Variants in BEND7 observed in about 807,000 individuals in gnomAD.
The protein encoded by BEND7 is BEN domain containing 7, also known as BEN domain-containing protein 7.
Under a neutral mutation model 50.9 loss-of-function variants are expected in BEND7, and 28 were observed. That is an observed-to-expected ratio of 0.55 (90% confidence interval 0.41 to 0.75). BEND7 has a LOEUF of 0.75. Ranked by LOEUF, BEND7 falls within the 30% of genes least tolerant of loss-of-function variation. BEND7 has a pLI of 0.00. For synonymous variants in BEND7, 170 were observed against 183.9 expected, an observed-to-expected ratio of 0.92 and a Z score of 0.61; for missense variants, 477 against 491.3, an observed-to-expected ratio of 0.97 and a Z score of 0.28.
At chr10:13,480,315 G>T (rs1167377103) in intron 6 of BEND7, among the ~76,000 whole-genome samples, 1 of 152,190 alleles carries the variant, frequency 6.6e-6, no homozygotes, top group Non-Finnish European at 1.5e-5. Flanking sequence ...AAGGAGGGAA[G>T]GGGGAGAGAC....
Position 13,441,606 on chromosome 10 carries a change from A to C in BEND7, c.*137T>G, listed in dbSNP as rs1054765270. On this transcript the variant is annotated 3_prime_UTR_variant, in exon 9 of 9. Transcript: ENST00000466271. ...TTCTGCCTTGACCAGCAACATACTC[A>C]TCCTATTTTAACACGGCGAAAGGTC... The C allele has an allele frequency of 2.6e-6, 4 of 1,528,352 alleles. No individual in the cohort carries two copies. The highest frequency in any genetic ancestry group is 2.6e-6 in the Non-Finnish European group (3 of 1,138,766). 94.7% of individuals were successfully genotyped at this position (1,528,352 alleles called of 1,614,324 possible).
intron 6 of BEND7, among the ~76,000 whole-genome samples, chr10:13,464,850 C>T (rs1357035452): frequency 1.3e-5 from 2 of 152,218 alleles, no homozygotes; most frequent in Non-Finnish European, 1.5e-5. Flanking sequence ...CACACACACT[C>T]TTTTGGGATA....
At chr10:13,473,473 C>G (rs1054353977) in intron 6 of BEND7, among the ~76,000 whole-genome samples, 1 of 148,764 alleles carries the variant, frequency 6.7e-6, no homozygotes, top group African/African-American at 2.5e-5. Flanking sequence ...CACTGTTAGA[C>G]TCGGGGTTGA....
At chr10:13,515,112 G>C (rs1163445478) in intron 2 of BEND7, among the ~76,000 whole-genome samples, 1 of 152,162 alleles carries the variant, frequency 6.6e-6, no homozygotes, top group Non-Finnish European at 1.5e-5. Context: ...ATAATGTAAA[G>C]GTATTAATCT....
chr10:13,451,727 A>G (rs920508803), intron 7 of BEND7, among the ~76,000 whole-genome samples: 1 of 150,536 alleles, frequency 6.6e-6, no homozygotes, highest in Non-Finnish European at 1.5e-5. Flanking sequence ...GTCATTTAAC[A>G]TTAGTTATAT....
intron 2 of BEND7, among the ~76,000 whole-genome samples, chr10:13,520,021 G>A (rs746236882): frequency 2.0e-5 from 3 of 152,142 alleles, no homozygotes; most frequent in Non-Finnish European, 2.9e-5. Flanking sequence ...AACAGACAGC[G>A]AACTGAAAGA....
At chr10:13,467,255 G>A (rs1350940932) in intron 6 of BEND7, among the ~76,000 whole-genome samples, 1 of 152,230 alleles carries the variant, frequency 6.6e-6, no homozygotes, top group Non-Finnish European at 1.5e-5. Context: ...GCACCAAGTT[G>A]CTAGGACAAA....
At chr10:13,490,597 C>T (rs1345104178) in intron 5 of BEND7, among the ~76,000 whole-genome samples, 1 of 152,210 alleles carries the variant, frequency 6.6e-6, no homozygotes, top group Non-Finnish European at 1.5e-5. Flanking sequence ...TTCTGTCAGC[C>T]GCATGCTGTT....
Position 13,452,641 on chromosome 10 carries a change from A to G in BEND7, c.1081T>C (p.Cys361Arg). 6.2e-7 allele frequency: 1 copy of G among 1,601,014 alleles called. No individual in the cohort carries two copies. Among genetic ancestry groups the G allele is most frequent in the Non-Finnish European group, 8.5e-7 (1 of 1,174,146 alleles). ...AGCTTATCCACATGGTTAGCTGTACAGTACTTTTCTGTGAAGACTGAAAGA... is the reference window on the plus strand; with the variant it reads ...AGCTTATCCACATGGTTAGCTGTACGGTACTTTTCTGTGAAGACTGAAAGA... ...GAIKVFTEKY[C>R]TANHVDKLPG... is the part of the protein sequence containing the mutation. The change falls in exon 7 of 9, where the codon TGT (cysteine) becomes CGT (arginine). Residue 361 changes from cysteine (C) to arginine (R), a missense_variant. Coordinates refer to ENST00000466271, the MANE Select transcript of BEND7 (RefSeq NM_001369863.1).
intron 6 of BEND7, among the ~76,000 whole-genome samples, chr10:13,479,760 G>GA (rs1451569025): frequency 6.6e-6 from 1 of 152,190 alleles, no homozygotes; most frequent in Non-Finnish European, 1.5e-5. Flanking sequence ...CACTTTAAGT[G>GA]AAAAAATTCT....
chr10:13,529,341 G>C (rs1457858383), upstream of BEND7, among the ~76,000 whole-genome samples: 2 of 151,700 alleles, frequency 1.3e-5, no homozygotes, highest in Non-Finnish European at 2.9e-5. Flanking sequence ...GGCGCGGACC[G>C]CCCCGACAAC....
downstream of BEND7, among the ~76,000 whole-genome samples, chr10:13,439,721 C>G (rs986834798): frequency 3.3e-5 from 5 of 152,220 alleles, no homozygotes; most frequent in African/African-American, 9.6e-5. Flanking sequence ...TTCCAACAGC[C>G]TCTTCTTGGG....
chr10:13,443,358 G>C (rs1835624133), intron 8 of BEND7: 1 of 152,654 alleles, frequency 6.6e-6, no homozygotes, highest in South Asian at 2.1e-4. Context: ...AATGAAACCT[G>C]GTTCTGTGTC....
At chr10:13,517,937 G>A (rs1589053548) in intron 2 of BEND7, among the ~76,000 whole-genome samples, 1 of 152,260 alleles carries the variant, frequency 6.6e-6, no homozygotes, top group African/African-American at 2.4e-5. Context: ...TAGTTATAAG[G>A]ATAACAGACT....
intron 2 of BEND7, among the ~76,000 whole-genome samples, chr10:13,501,666 G>C (rs1164891602): frequency 1.3e-5 from 2 of 152,036 alleles, no homozygotes; most frequent in Admixed American, 6.6e-5. Context: ...GGGCAATATG[G>C]AGAAACCCCG....
At chr10:13,525,599 T>C (rs764416467) in intron 2 of BEND7, among the ~76,000 whole-genome samples, 7 of 152,212 alleles carry the variant, frequency 4.6e-5, no homozygotes, top group Non-Finnish European at 1.0e-4. Context: ...AGTCACACTT[T>C]TATTTTCCTT....
At chr10:13,505,846 C>G (rs1250300235) in intron 2 of BEND7, among the ~76,000 whole-genome samples, 3 of 152,114 alleles carry the variant, frequency 2.0e-5, no homozygotes, top group African/African-American at 4.8e-5. Flanking sequence ...TGTACCAGTG[C>G]TAATGTACAG....
intron 8 of BEND7, chr10:13,442,082 T>C (rs1835409697): frequency 3.4e-6 from 1 of 296,066 alleles, no homozygotes; most frequent in Non-Finnish European, 6.3e-6. Flanking sequence ...GTGACATGAA[T>C]ACCTTGGACA....
intron 6 of BEND7, among the ~76,000 whole-genome samples, chr10:13,478,633 T>C (rs1588847931): frequency 6.6e-6 from 1 of 152,222 alleles, no homozygotes; most frequent in East Asian, 1.9e-4. Context: ...GGGTGGCCTT[T>C]TTGTTTTCAA....
Sources: gnomAD v4.1 joint callset for allele counts (sites outside exome capture counted in the v4.1 genomes callset) on GRCh38, gnomAD v4.1.1 for gene constraint, MANE v1.5 for transcripts, NCBI Gene and HGNC (gene_info 2026-07-23, HGNC 2026-07-21) for gene names.